ZBTB20: variants seen among roughly 807,000 people sequenced by gnomAD.
The protein encoded by ZBTB20 is zinc finger and BTB domain containing 20.
Under a neutral mutation model 56.9 loss-of-function variants are expected in ZBTB20, and 9 were observed. The observed-to-expected ratio is 0.16, with a 90% CI of 0.10 to 0.28. ZBTB20 has a LOEUF of 0.28. Ranked by LOEUF, ZBTB20 falls within the 10% of genes least tolerant of loss-of-function variation. The pLI is 1.00. For synonymous variants in ZBTB20, 417 were observed against 420.7 expected (o/e 0.99, Z 0.11); for missense variants, 655 against 1,003.0 (o/e 0.65, Z 4.69).
chr3:114,994,429 GTCT>G (rs1298017283), intron 2 of ZBTB20, among the ~76,000 whole-genome samples: 1 of 151,778 alleles, frequency 6.6e-6, no homozygotes, highest in Non-Finnish European at 1.5e-5. Flanking sequence ...AAACTTCACT[GTCT>G]TCTTACTTTT....
intron 1 of ZBTB20, among the ~76,000 whole-genome samples, chr3:115,125,033 T>A (rs116123363): frequency 0.023 from 3,399 of 148,104 alleles, 48 homozygotes; most frequent in South Asian, 0.051. Context: ...AAGTTTTTTT[T>A]AAAAAAAAAA....
intron 7 of ZBTB20, among the ~76,000 whole-genome samples, chr3:114,450,990 G>A (rs2091574125): frequency 6.6e-6 from 1 of 151,978 alleles, no homozygotes; most frequent in African/African-American, 2.4e-5. Context: ...TCTCTTCCTT[G>A]AATATCCCTA....
intron 5 of ZBTB20, among the ~76,000 whole-genome samples, chr3:114,746,731 C>T (rs776294131): frequency 2.6e-5 from 4 of 152,052 alleles, no homozygotes; most frequent in Admixed American, 1.3e-4. Context: ...TTCCTTGTGG[C>T]GTCATGCTAG....
At chr3:114,506,001 T>C (rs1402685946) in intron 6 of ZBTB20, among the ~76,000 whole-genome samples, 1 of 152,124 alleles carries the variant, frequency 6.6e-6, no homozygotes, top group African/African-American at 2.4e-5. Flanking sequence ...AGGGTATTTA[T>C]ATGTGCATAC....
intron 1 of ZBTB20, among the ~76,000 whole-genome samples, chr3:115,139,427 T>C (rs1429789259): frequency 6.6e-6 from 1 of 152,040 alleles, no homozygotes; most frequent in Non-Finnish European, 1.5e-5. Context: ...TTTCAATATA[T>C]AACAGGACAA....
intron 4 of ZBTB20, among the ~76,000 whole-genome samples, chr3:114,834,051 G>T (rs2073995488): frequency 6.6e-6 from 1 of 151,874 alleles, no homozygotes; most frequent in African/African-American, 2.4e-5. Flanking sequence ...GATATAGTAA[G>T]GACAAAGAAA....
At chr3:114,523,797 G>T (rs2046906839) in intron 6 of ZBTB20, among the ~76,000 whole-genome samples, 1 of 152,186 alleles carries the variant, frequency 6.6e-6, no homozygotes, top group South Asian at 2.1e-4. Flanking sequence ...GTAAGGATGG[G>T]GGAGGAGGTG....
intron 6 of ZBTB20, among the ~76,000 whole-genome samples, chr3:114,505,944 C>T (rs1160124189): frequency 1.3e-5 from 2 of 151,928 alleles, no homozygotes; most frequent in African/African-American, 4.8e-5. Flanking sequence ...GTTTTTAATT[C>T]TCTATTTTCT....
chr3:114,509,410 A>AGT (rs1216698443), intron 6 of ZBTB20, among the ~76,000 whole-genome samples: 68 of 138,416 alleles, frequency 4.9e-4, no homozygotes, highest in African/African-American at 9.7e-4. Context: ...GTATTTGGGG[A>AGT]GTGTGTGTGT....
intron 3 of ZBTB20, among the ~76,000 whole-genome samples, chr3:114,950,475 T>C (rs1382131022): frequency 1.3e-5 from 2 of 152,086 alleles, no homozygotes; most frequent in African/African-American, 4.8e-5. Flanking sequence ...TGTGATGATA[T>C]GAGATGATAA....
At chr3:114,645,431 T>C (rs2059784808) in intron 6 of ZBTB20, among the ~76,000 whole-genome samples, 1 of 152,190 alleles carries the variant, frequency 6.6e-6, no homozygotes, top group Admixed American at 6.5e-5. Context: ...TCTCACCTTC[T>C]TCCCAATCAC....
At chr3:114,536,820 T>A (rs1421945234) in intron 6 of ZBTB20, among the ~76,000 whole-genome samples, 1 of 151,946 alleles carries the variant, frequency 6.6e-6, no homozygotes, top group South Asian at 2.1e-4. Context: ...GAAAGAGGCC[T>A]CCAAAATAAC....
chr3:115,068,818 T>C (rs556925371), intron 2 of ZBTB20, among the ~76,000 whole-genome samples: 1 of 152,236 alleles, frequency 6.6e-6, no homozygotes, highest in Non-Finnish European at 1.5e-5. Context: ...ACTTGCTTTA[T>C]TTTTTAAAAA....
intron 6 of ZBTB20, among the ~76,000 whole-genome samples, chr3:114,547,338 C>T (rs370108695): frequency 5.3e-5 from 8 of 152,050 alleles, no homozygotes; most frequent in East Asian, 1.9e-4. Context: ...CCTATTCAAG[C>T]GGTTCAGAAA....
Position 114,944,306 on chromosome 3 carries a change from T to A in ZBTB20, c.-456+30060A>T, listed in dbSNP as rs569799031. On this transcript the variant is annotated intron_variant, in intron 3 of 11. Transcript: ENST00000675478. ...ATCACCTCACACCTGTTAGAAAGGC[T>A]ACCTTCAAAAAGTTAAAAGACAGTA... Among the ~76,000 whole-genome samples, 6 of 145,896 alleles carry A rather than the reference T, an allele frequency of 4.1e-5. No individual in the cohort carries two copies. The South Asian group carries it at 1.1e-3, about 26-fold the overall frequency.
At chr3:114,646,675 A>T (rs1225402063) in intron 6 of ZBTB20, among the ~76,000 whole-genome samples, 1 of 152,220 alleles carries the variant, frequency 6.6e-6, no homozygotes, top group Non-Finnish European at 1.5e-5. Context: ...TTGCTATTAA[A>T]TTTCTATTCA....
chr3:114,364,486 A>C (rs1032389455), intron 10 of ZBTB20, among the ~76,000 whole-genome samples: 4 of 152,170 alleles, frequency 2.6e-5, no homozygotes, highest in Non-Finnish European at 5.9e-5. Flanking sequence ...CAATTTATGC[A>C]AACAACATCA....
chr3:114,721,077 C>G (rs2064874891), intron 5 of ZBTB20, among the ~76,000 whole-genome samples: 2 of 151,996 alleles, frequency 1.3e-5, no homozygotes, highest in Non-Finnish European at 2.9e-5. Flanking sequence ...TTGGGAGCAG[C>G]AAATAAACAA....
At chr3:114,402,943 G>T (rs1347364655) in intron 7 of ZBTB20, among the ~76,000 whole-genome samples, 1 of 152,070 alleles carries the variant, frequency 6.6e-6, no homozygotes, top group Non-Finnish European at 1.5e-5. Flanking sequence ...CCTTCACAGT[G>T]GTGTGTCTGG....
Sources: gnomAD v4.1 joint callset for allele counts (sites outside exome capture counted in the v4.1 genomes callset) on GRCh38, gnomAD v4.1.1 for gene constraint, MANE v1.5 for transcripts, NCBI Gene and HGNC (gene_info 2026-07-23, HGNC 2026-07-21) for gene names.